Variants in PCDHGA9 observed in about 807,000 individuals in gnomAD.
The protein encoded by PCDHGA9 is protocadherin gamma subfamily A, 9, also known as protocadherin gamma-A9.
In PCDHGA9, 37 loss-of-function variants were observed where a neutral mutation model predicts 62.5. The observed-to-expected ratio is 0.59, with a 90% CI of 0.46 to 0.78. PCDHGA9 has a LOEUF of 0.78. Ranked by LOEUF, PCDHGA9 falls within the 30% of genes least tolerant of loss-of-function variation. The probability of loss-of-function intolerance (pLI) is 0.00; values close to 1 mark genes in which losing one functional copy is unlikely to be tolerated. For synonymous variants in PCDHGA9, 459 were observed against 484.6 expected (o/e 0.95, Z 0.69); for missense variants, 1,138 against 1,166.2 (o/e 0.98, Z 0.35).
At chr5:141,408,317 G>A in intron 1 of PCDHGA9, 1 of 1,613,892 alleles carries the variant, frequency 6.2e-7, no homozygotes, top group Non-Finnish European at 8.5e-7. Context: ...CTCGATTCCG[G>A]AGGAGCTGGC....
At chr5:141,410,847 G>GTATTT in intron 1 of PCDHGA9, 1 of 158,252 alleles carries the variant, frequency 6.3e-6, no homozygotes. Flanking sequence ...TTTTGTCTTT[G>GTATTT]TCTTTTTTTT....
intron 1 of PCDHGA9, among the ~76,000 whole-genome samples, chr5:141,467,954 C>T (rs1467826790): frequency 1.3e-5 from 2 of 152,070 alleles, no homozygotes; most frequent in Admixed American, 6.6e-5. Flanking sequence ...CCACCACACC[C>T]GGCTGCCAGA....
At position 141,432,881 on chromosome 5, in the gene PCDHGA9, G is replaced by A; in HGVS notation, c.2424+27505G>A. On this transcript the variant is annotated intron_variant, in intron 1 of 3. Coordinates refer to ENST00000573521, the MANE Select transcript of PCDHGA9 (RefSeq NM_018921.3). This position sits in a 1 kb window ranked among gnomAD's most constrained non-coding sequence, Gnocchi z 6.0. ...GGTCTCCTGCGTCTTCCTGGCCTTC[G>A]TCATCTTGCTGCTGGCGCTCAGGCT... 6.2e-7 allele frequency: 1 copy of A among 1,614,170 alleles called. No homozygotes were observed. The highest frequency in any genetic ancestry group is 1.1e-5 in the South Asian group (1 of 91,088).
At position 141,489,385 on chromosome 5, in the gene PCDHGA9, G is replaced by C. The variant is rs893348832; in HGVS notation, c.2425-5422G>C. The stretch of plus-strand genomic sequence containing the variant: ...GCCGGGGACGCTGGTGGGGAATGTT[G>C]CTCAGGATCTGGGCTTAAAGATGAC... On this transcript the variant is annotated intron_variant, in intron 1 of 3. Transcript: ENST00000573521. This position sits in a 1 kb window ranked among gnomAD's most constrained non-coding sequence, Gnocchi z 4.5. The C allele has an allele frequency of 6.2e-7, 1 of 1,613,924 alleles. No individual in the cohort carries two copies. Among genetic ancestry groups the C allele is most frequent in the Non-Finnish European group, 8.5e-7 (1 of 1,179,896 alleles).
chr5:141,435,745 A>T (rs2097777848), intron 1 of PCDHGA9, among the ~76,000 whole-genome samples: 1 of 152,184 alleles, frequency 6.6e-6, no homozygotes, highest in African/African-American at 2.4e-5. Context: ...TTTGAAAAGC[A>T]TTGCTTGATT....
At position 141,432,298 on chromosome 5, in the gene PCDHGA9, A is replaced by G; in HGVS notation, c.2424+26922A>G. 6.2e-7 allele frequency: 1 copy of G among 1,614,236 alleles called. No homozygotes were observed. The highest frequency in any genetic ancestry group is 8.5e-7 in the Non-Finnish European group (1 of 1,180,036). The stretch of plus-strand genomic sequence containing the variant: ...TGTCCATCAACTCCGACACTGGGGT[A>G]CTGTATGCGCTGAGCTCCTTCGACT... On this transcript the variant is annotated intron_variant, in intron 1 of 3. Transcript: ENST00000573521. This position sits in a 1 kb window ranked among gnomAD's most constrained non-coding sequence, Gnocchi z 6.0.
At chr5:141,409,148 A>C (rs2154541051) in intron 1 of PCDHGA9, 1 of 1,614,056 alleles carries the variant, frequency 6.2e-7, no homozygotes. Context: ...AGAAAGGTAC[A>C]CCATGGAAGT....
intron 1 of PCDHGA9, among the ~76,000 whole-genome samples, chr5:141,472,310 G>A (rs2099276586): frequency 6.6e-6 from 1 of 152,040 alleles, no homozygotes; most frequent in Non-Finnish European, 1.5e-5. Flanking sequence ...GGGAAGCCGA[G>A]GCAGGCAGAT....
chr5:141,482,753 G>A (rs2154579665), intron 1 of PCDHGA9, among the ~76,000 whole-genome samples: 1 of 127,136 alleles, frequency 7.9e-6, no homozygotes. Context: ...GAGGGATTAT[G>A]GTATTTCATT....
At chr5:141,415,824 CT>C (rs1412807947) in intron 1 of PCDHGA9, 8 of 1,306,364 alleles carry the variant, frequency 6.1e-6, no homozygotes, top group Non-Finnish European at 7.8e-6. Flanking sequence ...TATCATAAGG[CT>C]TTGTTATGAT....
In PCDHGA9 at chr5:141,431,889, A is replaced by G; in HGVS notation, c.2424+26513A>G. 1 of 1,614,170 alleles carries G rather than the reference A, an allele frequency of 6.2e-7. No homozygotes were observed. The highest frequency in any genetic ancestry group is 2.2e-5 in the East Asian group (1 of 44,888). On this transcript the variant is annotated intron_variant, in intron 1 of 3. Transcript: ENST00000573521. The surrounding 1 kb of genome is among the most constrained non-coding windows in gnomAD (Gnocchi z 4.8). The stretch of plus-strand genomic sequence containing the variant: ...TTAAATGTAAATGACCAAGATTCTG[A>G]GGAAAACGGACAGGTGATCTGTTTC...
Position 141,485,855 on chromosome 5 carries a change from C to A in PCDHGA9, c.2425-8952C>A. ...CCCGCCGAGATCTGGCACCGCAGAG[C>A]TCCGGGTATCCGTGCTGGACGTAAA... On this transcript the variant is annotated intron_variant, in intron 1 of 3. Transcript: ENST00000573521. The surrounding 1 kb of genome is among the most constrained non-coding windows in gnomAD (Gnocchi z 5.7). 6.2e-7 allele frequency: 1 copy of A among 1,614,196 alleles called. No homozygotes were observed. Among genetic ancestry groups the A allele is most frequent in the Non-Finnish European group, 8.5e-7 (1 of 1,180,036 alleles).
At chr5:141,508,662 T>G (rs2099870759) in intron 3 of PCDHGA9, among the ~76,000 whole-genome samples, 1 of 152,122 alleles carries the variant, frequency 6.6e-6, no homozygotes, top group Non-Finnish European at 1.5e-5. Context: ...CCTGTCATTC[T>G]GTCTCTGCCT....
At chr5:141,484,795 C>G (rs1265916821) in intron 1 of PCDHGA9, among the ~76,000 whole-genome samples, 1 of 151,902 alleles carries the variant, frequency 6.6e-6, no homozygotes, top group Middle Eastern at 3.4e-3. Flanking sequence ...AGATAACAAC[C>G]CGTGGAAAAA....
chr5:141,405,927 A>G (rs138259154), intron 1 of PCDHGA9, among the ~76,000 whole-genome samples: 13 of 152,268 alleles, frequency 8.5e-5, no homozygotes, highest in African/African-American at 2.6e-4. Flanking sequence ...ATTTGCTGAT[A>G]TAACTTTCAT....
In PCDHGA9 at chr5:141,486,546, G is replaced by A. The variant is rs1156517969; in HGVS notation, c.2425-8261G>A. Reference sequence around the variant, plus strand: ...GATAATCCACCCTCTTTCTTTCAGAGGTCACATGAGGTGTTTGTTCCTGAG... The same window carrying A: ...GATAATCCACCCTCTTTCTTTCAGAAGTCACATGAGGTGTTTGTTCCTGAG... On this transcript the variant is annotated intron_variant, in intron 1 of 3. Coordinates refer to ENST00000573521, the MANE Select transcript of PCDHGA9 (RefSeq NM_018921.3). The surrounding 1 kb of genome is among the most constrained non-coding windows in gnomAD (Gnocchi z 5.0). 3 of 1,614,084 alleles carry A rather than the reference G, an allele frequency of 1.9e-6. No homozygotes were observed. The East Asian group carries it at 6.7e-5, about 36-fold the overall frequency.
rs1468210173 is a variant in PCDHGA9 at position 141,512,170 on chromosome 5, A to T, written c.*997A>T. 1 of 152,720 alleles carries T rather than the reference A, an allele frequency of 6.5e-6. No homozygotes were observed. The highest frequency in any genetic ancestry group is 1.5e-5 in the Non-Finnish European group (1 of 68,120). The allele number at this position is 152,720 out of a possible 1,614,324, so 9.5% of individuals were successfully genotyped here. On this transcript the variant is annotated 3_prime_UTR_variant, in exon 4 of 4. Coordinates refer to ENST00000573521, the MANE Select transcript of PCDHGA9 (RefSeq NM_018921.3). ...TGGGCTGAGCTAACAGGACCAATGG[A>T]TTAAACTGGCATTTCAGTCCAAGGA...
At chr5:141,418,940 C>G in intron 1 of PCDHGA9, 9 of 1,614,012 alleles carry the variant, frequency 5.6e-6, no homozygotes, top group Non-Finnish European at 6.8e-6. Context: ...GGAGGATTCC[C>G]CTCCAGGAGT....
intron 1 of PCDHGA9, chr5:141,422,741 A>G (rs1319821802): frequency 6.2e-7 from 1 of 1,610,084 alleles, no homozygotes; most frequent in Non-Finnish European, 8.5e-7. Flanking sequence ...CTGTCCTCCT[A>G]TGTCTCTATT....
Sources: allele counts gnomAD v4.1 joint callset (sites outside exome capture counted in the v4.1 genomes callset), GRCh38; gene constraint gnomAD v4.1.1; non-coding constraint Gnocchi (gnomAD v3.1); transcripts MANE v1.5; gene names NCBI Gene and HGNC (gene_info 2026-07-23, HGNC 2026-07-21).